The following AP2S1 variants were observed in gnomAD, a reference collection of about 807,000 sequenced individuals.
AP2S1 encodes the protein AP-2 complex subunit sigma.
In AP2S1, 6 loss-of-function variants were observed where a neutral mutation model predicts 21.0. That is an observed-to-expected ratio of 0.29 (90% confidence interval 0.16 to 0.56). The LOEUF (loss-of-function observed/expected upper bound fraction) is 0.56, where lower values mean the gene tolerates loss of function less well. AP2S1 is among the 20% of genes least tolerant of loss of function. The probability of loss-of-function intolerance (pLI) is 0.92; values close to 1 mark genes in which losing one functional copy is unlikely to be tolerated. For synonymous variants in AP2S1, 63 were observed against 74.6 expected (o/e 0.84, Z 0.80); for missense variants, 60 against 186.2 (o/e 0.32, Z 3.95).
chr19:46,844,535 T>C, intron 2 of AP2S1, among the ~76,000 whole-genome samples: 1 of 151,950 alleles, frequency 6.6e-6, no homozygotes, highest in Admixed American at 6.6e-5. Context: ...CAGTGGCTCA[T>C]GCCTGTAATC....
intron 2 of AP2S1, among the ~76,000 whole-genome samples, chr19:46,845,405 C>CA (rs2055613213): frequency 1.6e-5 from 2 of 125,074 alleles, no homozygotes; most frequent in South Asian, 2.4e-4. Flanking sequence ...GACTCTGTCT[C>CA]AAAAAAAGTA....
intron 1 of AP2S1, among the ~76,000 whole-genome samples, chr19:46,848,341 T>C (rs1177850973): frequency 1.3e-5 from 2 of 152,174 alleles, no homozygotes; most frequent in African/African-American, 2.4e-5. Context: ...CATTGCACCA[T>C]TGCTCTCCAG....
chr19:46,844,150 A>G (rs1056838120), intron 2 of AP2S1, among the ~76,000 whole-genome samples: 9 of 151,822 alleles, frequency 5.9e-5, no homozygotes, highest in Non-Finnish European at 8.8e-5. Flanking sequence ...TGATCCACCC[A>G]CCTTGGCCTC....
At chr19:46,846,997 T>C (rs2055647375) in intron 1 of AP2S1, among the ~76,000 whole-genome samples, 1 of 151,868 alleles carries the variant, frequency 6.6e-6, no homozygotes, top group South Asian at 2.1e-4. Flanking sequence ...AAAAAAAAAG[T>C]TTATAAACTT....
chr19:46,846,069 T>A lies in AP2S1; in HGVS notation c.77A>T (p.Asp26Val). Residue 26 changes from aspartate (D) to valine (V), a missense_variant, in exon 2 of 5, where the codon GAT becomes GTT. Physicochemically the swap from Asp to Val is radical, Grantham distance 152. Transcript: ENST00000263270. Reference protein sequence around the residue: ...LAKWYMQFDDDEKQKLIEEVH... With the variant: ...LAKWYMQFDDVEKQKLIEEVH... ...CTCCTCGATCAGCTTCTGTTTCTCATCATCATCAAACTGCATGTACCACTT... is the reference window on the plus strand; with the variant it reads ...CTCCTCGATCAGCTTCTGTTTCTCAACATCATCAAACTGCATGTACCACTT... The A allele has an allele frequency of 6.2e-7, 1 of 1,614,052 alleles. No homozygotes were observed. The highest frequency in any genetic ancestry group is 8.5e-7 in the Non-Finnish European group (1 of 1,180,008).
chr19:46,842,768 T>G (rs1202070751), intron 2 of AP2S1, among the ~76,000 whole-genome samples: 1 of 152,060 alleles, frequency 6.6e-6, no homozygotes, highest in Non-Finnish European at 1.5e-5. Context: ...AGTGACCTCC[T>G]CCTGGAGAGG....
intron 1 of AP2S1, chr19:46,850,206 G>T: frequency 1.6e-6 from 2 of 1,232,384 alleles, no homozygotes; most frequent in Non-Finnish European, 2.0e-6. Flanking sequence ...GCCTCCTTTT[G>T]GTTTCCTGTG....
Position 46,838,908 on chromosome 19 carries a change from G to A in AP2S1, c.268-109C>T, listed in dbSNP as rs2055460654. On this transcript the variant is annotated intron_variant, in intron 3 of 4. Coordinates refer to ENST00000263270, the MANE Select transcript of AP2S1 (RefSeq NM_004069.6). This position sits in a 1 kb window ranked among gnomAD's most constrained non-coding sequence, Gnocchi z 4.1. The stretch of plus-strand genomic sequence containing the variant: ...GAGACAGCAAAAAAAGAGACCAAGG[G>A]GGAGGCAGGGGAGAGAGAGAGACAG... 1.3e-5 allele frequency: 12 copies of A among 896,248 alleles called. No homozygotes were observed. Among genetic ancestry groups the A allele is most frequent in the Non-Finnish European group, 2.0e-5 (11 of 560,306 alleles). The allele number at this position is 896,248 out of a possible 1,614,324, so 55.5% of individuals were successfully genotyped here. A position where few individuals can be genotyped will look rare whatever the true frequency, so the allele number is the denominator to read the frequency against.
chr19:46,850,110 A>G (rs942271702), intron 1 of AP2S1: 84 of 1,229,280 alleles, frequency 6.8e-5, no homozygotes, highest in Non-Finnish European at 8.1e-5. Context: ...GTTGCTCCCC[A>G]TTCTTTCCGA....
At chr19:46,843,238 C>T (rs1163280042) in intron 2 of AP2S1, among the ~76,000 whole-genome samples, 1 of 152,296 alleles carries the variant, frequency 6.6e-6, no homozygotes, top group East Asian at 1.9e-4. Flanking sequence ...GCCACACCGA[C>T]GGCTTCCATG....
At position 46,850,803 on chromosome 19, in the gene AP2S1, G is replaced by C. The variant is rs372197117; in HGVS notation, c.-37C>G. 6.5e-7 allele frequency: 1 copy of C among 1,547,214 alleles called. No homozygotes were observed. Among genetic ancestry groups the C allele is most frequent in the Admixed American group, 1.9e-5 (1 of 52,086 alleles). On this transcript the variant is annotated 5_prime_UTR_variant, in exon 1 of 5. Transcript: ENST00000263270. ...TCCAGACCCCAGCGGCCCCGGTCCC[G>C]CGGCGACTGGGCAGCTCCGGCTCAG...
intron 2 of AP2S1, 66 bp from the exon 3 acceptor site, chr19:46,839,644 C>A: frequency 6.2e-7 from 1 of 1,609,522 alleles, no homozygotes; most frequent in East Asian, 2.2e-5. Context: ...CAGAGTGGGG[C>A]CAAAACATTC....
At chr19:46,850,693 C>T in intron 1 of AP2S1, 71 bp downstream of exon 1, 1 of 1,359,104 alleles carries the variant, frequency 7.4e-7, no homozygotes, top group Non-Finnish European at 1.0e-6. Flanking sequence ...TTGTCAGCGC[C>T]CGATCCAGCC....
chr19:46,848,945 T>A (rs1394537244), intron 1 of AP2S1, among the ~76,000 whole-genome samples: 1 of 150,468 alleles, frequency 6.6e-6, no homozygotes, highest in African/African-American at 2.4e-5. Flanking sequence ...ACTCCTGACC[T>A]TGTGATCTGC....
In AP2S1 at chr19:46,838,595, T is replaced by C. The variant is rs1484372982; in HGVS notation, c.328-47A>G. On this transcript the variant is annotated intron_variant, in intron 4 of 4. Transcript: ENST00000263270. This position sits in a 1 kb window ranked among gnomAD's most constrained non-coding sequence, Gnocchi z 4.1. ...GGTGAGACGAGGCCCCCCAGGATGC[T>C]GGCCCGGACCCTGGAAGCTGGGGCT... is the stretch of plus-strand genomic sequence containing the variant. 2 of 1,603,832 alleles carry C rather than the reference T, an allele frequency of 1.2e-6. No homozygotes were observed. Among genetic ancestry groups the C allele is most frequent in the Non-Finnish European group, 1.7e-6 (2 of 1,170,908 alleles).
chr19:46,842,099 T>C (rs1158619930), intron 2 of AP2S1, among the ~76,000 whole-genome samples: 1 of 152,112 alleles, frequency 6.6e-6, no homozygotes, highest in Non-Finnish European at 1.5e-5. Context: ...GAGGATCCCT[T>C]GAGCCTGGGA....
At chr19:46,842,359 A>G (rs961808305) in intron 2 of AP2S1, among the ~76,000 whole-genome samples, 1 of 152,066 alleles carries the variant, frequency 6.6e-6, no homozygotes, top group Non-Finnish European at 1.5e-5. Flanking sequence ...GTCACTGTCT[A>G]GGACAGGCTT....
intron 1 of AP2S1, chr19:46,850,049 C>T (rs1163607657): frequency 8.8e-7 from 1 of 1,132,702 alleles, no homozygotes; most frequent in Non-Finnish European, 1.1e-6. Context: ...CTCACACTTT[C>T]AAGCCTACTC....
At chr19:46,841,695 C>A (rs1440540914) in intron 2 of AP2S1, among the ~76,000 whole-genome samples, 1 of 152,232 alleles carries the variant, frequency 6.6e-6, no homozygotes, top group Non-Finnish European at 1.5e-5. Flanking sequence ...CAGGTAATGG[C>A]CCCCAAAGAC....
Sources: allele counts gnomAD v4.1 joint callset (sites outside exome capture counted in the v4.1 genomes callset), GRCh38; gene constraint gnomAD v4.1.1; non-coding constraint Gnocchi (gnomAD v3.1); transcripts MANE v1.5; gene names NCBI Gene and HGNC (gene_info 2026-07-23, HGNC 2026-07-21).